The following BAALC variants were observed in gnomAD, a reference collection of about 807,000 sequenced individuals.
The protein encoded by BAALC is BAALC binder of MAP3K1 and KLF4.
A neutral mutation model predicts 15.5 loss-of-function variants in BAALC; 9 were observed. The observed-to-expected ratio is 0.58, with a 90% CI of 0.35 to 1.02. The LOEUF (loss-of-function observed/expected upper bound fraction) is 1.02. Ranked by LOEUF, BAALC falls within the 50% of genes least tolerant of loss-of-function variation. The probability of loss-of-function intolerance (pLI) is 0.02; values close to 1 mark genes in which losing one functional copy is unlikely to be tolerated. For synonymous variants in BAALC, 80 were observed against 74.6 expected (o/e 1.07, Z -0.37); for missense variants, 201 against 192.4 (o/e 1.04, Z -0.27).
intron 1 of BAALC, among the ~76,000 whole-genome samples, chr8:103,190,382 C>G (rs938575409): frequency 1.3e-5 from 2 of 152,178 alleles, no homozygotes; most frequent in Non-Finnish European, 2.9e-5. Context: ...AGGCTCTCAT[C>G]ACCTCTTGCC....
intron 1 of BAALC, among the ~76,000 whole-genome samples, chr8:103,211,495 AC>A (rs1360361778): frequency 2.0e-5 from 3 of 152,164 alleles, no homozygotes; most frequent in African/African-American, 4.8e-5. Context: ...GAGCAGATTG[AC>A]TATACTTATT....
intron 1 of BAALC, among the ~76,000 whole-genome samples, chr8:103,205,479 G>C (rs767564799): frequency 1.3e-5 from 2 of 152,130 alleles, no homozygotes; most frequent in East Asian, 3.8e-4. Flanking sequence ...AAATATACAT[G>C]AGTACTTTGT....
chr8:103,156,303 G>A (rs1489942566), intron 1 of BAALC, among the ~76,000 whole-genome samples: 1 of 152,222 alleles, frequency 6.6e-6, no homozygotes, highest in African/African-American at 2.4e-5. Flanking sequence ...ATTTCTCACC[G>A]TGAAGGCAGT....
intron 1 of BAALC, among the ~76,000 whole-genome samples, chr8:103,187,445 A>C (rs1391386744): frequency 2.0e-5 from 3 of 152,202 alleles, no homozygotes; most frequent in Admixed American, 1.3e-4. Flanking sequence ...CCAAATGTCA[A>C]TACTGCTGAG....
At chr8:103,201,494 A>G (rs188325924) in intron 1 of BAALC, among the ~76,000 whole-genome samples, 3 of 152,352 alleles carry the variant, frequency 2.0e-5, no homozygotes, top group South Asian at 2.1e-4. Flanking sequence ...GGAGTTAGAC[A>G]TGTGGATGGA....
At chr8:103,158,132 C>G (rs567951646) in intron 1 of BAALC, among the ~76,000 whole-genome samples, 21 of 152,120 alleles carry the variant, frequency 1.4e-4, no homozygotes, top group Non-Finnish European at 2.9e-4. Context: ...ATAGGTTTCC[C>G]ATTTCCTCCC....
intron 2 of BAALC, among the ~76,000 whole-genome samples, chr8:103,224,765 TC>T (rs1812766996): frequency 6.6e-6 from 1 of 152,356 alleles, no homozygotes; most frequent in South Asian, 2.1e-4. Flanking sequence ...CAGGGCCATT[TC>T]AAAATATGGC....
intron 1 of BAALC, among the ~76,000 whole-genome samples, chr8:103,163,263 C>T (rs970334094): frequency 1.3e-5 from 2 of 152,086 alleles, no homozygotes; most frequent in Non-Finnish European, 2.9e-5. Context: ...CGTCTCTTCA[C>T]GCCCTTGCCC....
At chr8:103,216,932 C>T (rs2130077051) in intron 2 of BAALC, among the ~76,000 whole-genome samples, 1 of 152,274 alleles carries the variant, frequency 6.6e-6, no homozygotes, top group African/African-American at 2.4e-5. Flanking sequence ...CTAGGGAAAG[C>T]ATGCCCCCAT....
chr8:103,199,392 T>C (rs537554860), intron 1 of BAALC, among the ~76,000 whole-genome samples: 10 of 152,336 alleles, frequency 6.6e-5, no homozygotes, highest in African/African-American at 2.4e-4. Context: ...GCTCTATTTT[T>C]CAGTAATTCT....
chr8:103,203,845 C>T (rs745457751), intron 1 of BAALC, among the ~76,000 whole-genome samples: 3 of 152,072 alleles, frequency 2.0e-5, no homozygotes, highest in South Asian at 2.1e-4. Flanking sequence ...GATGGATATT[C>T]GGGTTGTTTC....
chr8:103,147,076 G>C lies in BAALC; in HGVS notation c.160+6019G>C, dbSNP rs370594872. Among the ~76,000 whole-genome samples the C allele has an allele frequency of 2.0e-5, 3 of 152,340 alleles. 1 individual carries two copies. ...ACATTTGTTGAATGACTGTGAAAATGAATAAATGAATGAATGATCTAGCTG... is the reference window on the plus strand; with the variant it reads ...ACATTTGTTGAATGACTGTGAAAATCAATAAATGAATGAATGATCTAGCTG... On this transcript the variant is annotated intron_variant, in intron 1 of 2. Transcript: ENST00000309982.
intron 1 of BAALC, among the ~76,000 whole-genome samples, chr8:103,196,972 C>T (rs1353131045): frequency 6.6e-6 from 1 of 152,194 alleles, no homozygotes; most frequent in South Asian, 2.1e-4. Context: ...ATTAAATACA[C>T]TCATTTTCTC....
intron 1 of BAALC, chr8:103,153,082 T>C (rs1354745327): frequency 6.6e-6 from 1 of 152,212 alleles, no homozygotes; most frequent in Non-Finnish European, 1.5e-5. Flanking sequence ...TGACCAGGCA[T>C]TGGATGTGGG....
Position 103,140,996 on chromosome 8 carries a change from G to T in BAALC, c.99G>T (p.Ser33=), listed in dbSNP as rs758608273. 1 of 1,529,604 alleles carries T rather than the reference G, an allele frequency of 6.5e-7. No individual in the cohort carries two copies. Among genetic ancestry groups the T allele is most frequent in the Non-Finnish European group, 8.8e-7 (1 of 1,139,182 alleles). The allele number at this position is 1,529,604 out of a possible 1,614,324, so 94.8% of individuals were successfully genotyped here. ...CCACCTGGCTCACCTACACCGACTCGGACGCGCCGCCCAGCGCCGCCGCCC... is the reference window on the plus strand; with the variant it reads ...CCACCTGGCTCACCTACACCGACTCTGACGCGCCGCCCAGCGCCGCCGCCC... ...TESTWLTYTD[S]DAPPSAAAPD... is the part of the protein sequence containing the mutation. Residue 33 remains serine (S), a synonymous_variant, in exon 1 of 3, where the codon TCG becomes TCT. Coordinates refer to ENST00000309982, the MANE Select transcript of BAALC (RefSeq NM_024812.3). The surrounding 1 kb of genome is among the most constrained non-coding windows in gnomAD (Gnocchi z 4.2).
At chr8:103,166,806 G>A (rs1254540589) in intron 1 of BAALC, among the ~76,000 whole-genome samples, 1 of 152,144 alleles carries the variant, frequency 6.6e-6, no homozygotes, top group African/African-American at 2.4e-5. Flanking sequence ...CTTTCTTTGT[G>A]TATAATGCTA....
At chr8:103,142,491 G>A (rs975431870) in intron 1 of BAALC, among the ~76,000 whole-genome samples, 1 of 152,174 alleles carries the variant, frequency 6.6e-6, no homozygotes, top group Non-Finnish European at 1.5e-5. Flanking sequence ...CTTTTAGAGG[G>A]ACCTGGTAAA....
At chr8:103,152,312 T>C (rs1380106076) in intron 1 of BAALC, among the ~76,000 whole-genome samples, 1 of 152,106 alleles carries the variant, frequency 6.6e-6, no homozygotes, top group Non-Finnish European at 1.5e-5. Context: ...CCCTCTGTTC[T>C]CTGAATACAT....
intron 1 of BAALC, among the ~76,000 whole-genome samples, chr8:103,211,959 G>A (rs1441431254): frequency 2.0e-5 from 3 of 152,090 alleles, no homozygotes; most frequent in African/African-American, 7.2e-5. Context: ...ATCATACTTG[G>A]CATTCCCTGT....
Sources: allele counts gnomAD v4.1 joint callset (sites outside exome capture counted in the v4.1 genomes callset), GRCh38; gene constraint gnomAD v4.1.1; non-coding constraint Gnocchi (gnomAD v3.1); transcripts MANE v1.5; gene names NCBI Gene and HGNC (gene_info 2026-07-23, HGNC 2026-07-21).